The following CACNB2 variants were observed in gnomAD, a reference collection of about 807,000 sequenced individuals.
The protein encoded by CACNB2 is voltage-dependent L-type calcium channel subunit beta-2.
A neutral mutation model predicts 73.3 loss-of-function variants in CACNB2; 42 were observed. The observed-to-expected ratio is 0.57, with a 90% CI of 0.45 to 0.74. The LOEUF (loss-of-function observed/expected upper bound fraction) is 0.74, where lower values mean the gene tolerates loss of function less well. Among genes scored for constraint, CACNB2 ranks in the 30% least tolerant of loss-of-function variants. The pLI is 0.00. For missense variants in CACNB2, 940 were observed against 853.0 expected (o/e 1.10, Z -1.27); for synonymous variants, 348 against 310.3 (o/e 1.12, Z -1.28).
At chr10:18,315,373 A>G (rs2040127014) in intron 2 of CACNB2, among the ~76,000 whole-genome samples, 1 of 149,988 alleles carries the variant, frequency 6.7e-6, no homozygotes, top group Non-Finnish European at 1.5e-5. Flanking sequence ...AAAAACAAAA[A>G]CAGTGGGCCA....
At chr10:18,348,852 C>T (rs1216628564) in intron 2 of CACNB2, among the ~76,000 whole-genome samples, 2 of 152,136 alleles carry the variant, frequency 1.3e-5, no homozygotes, top group Admixed American at 1.3e-4. Flanking sequence ...GGCAAGATGG[C>T]TGATGCCTGT....
chr10:18,345,710 A>T (rs941440048), intron 2 of CACNB2, among the ~76,000 whole-genome samples: 4 of 152,244 alleles, frequency 2.6e-5, no homozygotes, highest in Admixed American at 2.6e-4. Context: ...TTAAATTTAT[A>T]TTCTAATACC....
At chr10:18,421,999 G>T (rs922867396) in intron 3 of CACNB2, among the ~76,000 whole-genome samples, 2 of 152,202 alleles carry the variant, frequency 1.3e-5, no homozygotes, top group East Asian at 3.8e-4. Flanking sequence ...ACTTTCTTGT[G>T]CTATAGCTGT....
chr10:18,312,444 A>G (rs2039997254), intron 2 of CACNB2, among the ~76,000 whole-genome samples: 1 of 152,250 alleles, frequency 6.6e-6, no homozygotes, highest in Non-Finnish European at 1.5e-5. Flanking sequence ...GGAATAATTT[A>G]TATCATCCTA....
chr10:18,434,208 A>C (rs1233662092), intron 3 of CACNB2, among the ~76,000 whole-genome samples: 1 of 152,206 alleles, frequency 6.6e-6, no homozygotes, highest in Non-Finnish European at 1.5e-5. Context: ...AAGATCTATT[A>C]AAAACAAATT....
intron 2 of CACNB2, among the ~76,000 whole-genome samples, chr10:18,263,102 T>C (rs1215987887): frequency 2.6e-5 from 4 of 152,240 alleles, no homozygotes; most frequent in Non-Finnish European, 4.4e-5. Context: ...TTGGGAAGCC[T>C]TACCTCTAAC....
chr10:18,238,920 A>T (rs1160753475), intron 2 of CACNB2, among the ~76,000 whole-genome samples: 11 of 152,254 alleles, frequency 7.2e-5, no homozygotes, highest in Admixed American at 7.2e-4. Flanking sequence ...CTAAACTCCT[A>T]CAATTGTGAA....
chr10:18,175,281 G>T (rs758453224), intron 2 of CACNB2, among the ~76,000 whole-genome samples: 8 of 152,276 alleles, frequency 5.3e-5, no homozygotes, highest in Admixed American at 2.0e-4. Flanking sequence ...TGGTACTGAG[G>T]CATCTGACTA....
chr10:18,249,474 A>C (rs1234517080), intron 2 of CACNB2, among the ~76,000 whole-genome samples: 1 of 152,096 alleles, frequency 6.6e-6, no homozygotes, highest in African/African-American at 2.4e-5. Flanking sequence ...TCCTTGAAAA[A>C]TGTGTGTCCA....
intron 3 of CACNB2, among the ~76,000 whole-genome samples, chr10:18,456,574 C>T (rs1164662746): frequency 6.6e-6 from 1 of 152,180 alleles, no homozygotes; most frequent in Non-Finnish European, 1.5e-5. Context: ...TCACCTCCCA[C>T]CAGGCCCCAC....
rs200548932 is a variant in CACNB2 at position 18,401,439 on chromosome 10, CA to C, written c.214-483del. ...AATAGCAGGTGTATAAAAAGGTAAACAAGGCTTTTTCAGATTAAAGTGGGAA... is the reference window on the plus strand; with the variant it reads ...AATAGCAGGTGTATAAAAAGGTAAACAGGCTTTTTCAGATTAAAGTGGGAA... On this transcript the variant is annotated intron_variant, in intron 2 of 13. Coordinates refer to ENST00000324631, the MANE Select transcript of CACNB2 (RefSeq NM_201596.3). 2.6e-3 allele frequency among the ~76,000 whole-genome samples: 395 copies of C among 152,204 alleles called. 16 individuals carry two copies. In the East Asian group the frequency reaches 0.058, roughly 23 times the overall value.
chr10:18,197,522 C>T (rs555551667), intron 2 of CACNB2, among the ~76,000 whole-genome samples: 1 of 152,160 alleles, frequency 6.6e-6, no homozygotes, highest in South Asian at 2.1e-4. Flanking sequence ...CTTCAGCCAA[C>T]AGTGTGATGG....
intron 2 of CACNB2, among the ~76,000 whole-genome samples, chr10:18,318,164 C>A (rs2040264707): frequency 6.6e-6 from 1 of 152,106 alleles, no homozygotes; most frequent in South Asian, 2.1e-4. Flanking sequence ...CCTGTATAGT[C>A]AAAACAGTCC....
chr10:18,253,851 G>A (rs1423004391), intron 2 of CACNB2, among the ~76,000 whole-genome samples: 1 of 152,182 alleles, frequency 6.6e-6, no homozygotes, highest in East Asian at 1.9e-4. Flanking sequence ...ACAATTGGCT[G>A]AAGATACAAA....
chr10:18,324,047 C>T (rs2040490417), intron 2 of CACNB2, among the ~76,000 whole-genome samples: 2 of 152,102 alleles, frequency 1.3e-5, no homozygotes, highest in Admixed American at 6.5e-5. Context: ...ACTGATCATA[C>T]GAATGAGTGT....
chr10:18,417,680 C>T (rs2045070977), intron 3 of CACNB2, among the ~76,000 whole-genome samples: 1 of 152,062 alleles, frequency 6.6e-6, no homozygotes, highest in Non-Finnish European at 1.5e-5. Flanking sequence ...AAAGGAAGAC[C>T]TTCCAGGATG....
chr10:18,221,727 C>A (rs187995876), intron 2 of CACNB2, among the ~76,000 whole-genome samples: 6 of 152,102 alleles, frequency 3.9e-5, no homozygotes, highest in Non-Finnish European at 8.8e-5. Context: ...GCACTGAAAA[C>A]CATTTTAAAA....
Position 18,534,182 on chromosome 10 carries a change from C to A in CACNB2, c.1161C>A (p.Thr387=), listed in dbSNP as rs776048113. ...ATCATCCAGCTCAACTCAGTAAAAC[C>A]TCCTTGGCCCCTATTATAGTATATG... ...TINHPAQLSK[T]SLAPIIVYVK... Residue 387 remains threonine, a synonymous_variant, in exon 11 of 14, where the codon ACC becomes ACA. Coordinates refer to ENST00000324631, the MANE Select transcript of CACNB2 (RefSeq NM_201596.3). 3 of 1,613,414 alleles carry A rather than the reference C, an allele frequency of 1.9e-6. No individual in the cohort carries two copies. In the African/African-American group the frequency reaches 4.0e-5, roughly 22 times the overall value.
intron 2 of CACNB2, among the ~76,000 whole-genome samples, chr10:18,385,459 A>G (rs543074809): frequency 6.9e-6 from 1 of 145,846 alleles, no homozygotes; most frequent in Non-Finnish European, 1.5e-5. Flanking sequence ...GCATTCTTTA[A>G]AATGCACTTA....
Sources: gnomAD v4.1 joint callset for allele counts (sites outside exome capture counted in the v4.1 genomes callset) on GRCh38, gnomAD v4.1.1 for gene constraint, MANE v1.5 for transcripts, NCBI Gene and HGNC (gene_info 2026-07-23, HGNC 2026-07-21) for gene names.